The following LAMA5 variants were observed in gnomAD, a reference collection of about 807,000 sequenced individuals.
The protein encoded by LAMA5 is laminin subunit alpha-5.
A neutral mutation model predicts 433.4 loss-of-function variants in LAMA5; 260 were observed. That is an observed-to-expected ratio of 0.60 (90% CI 0.54 to 0.66). The LOEUF is 0.66. Among genes scored for constraint, LAMA5 ranks in the 30% least tolerant of loss-of-function variants. The probability of loss-of-function intolerance (pLI) is 0.00; values close to 1 mark genes in which losing one functional copy is unlikely to be tolerated. For missense variants in LAMA5, 5,378 were observed against 5,258.5 expected (o/e 1.02, Z -0.70); for synonymous variants, 2,620 against 2,226.6 (o/e 1.18, Z -4.97).
chr20:62,319,616 C>A, intron 51 of LAMA5, 68 bp downstream of exon 51: 1 of 1,165,440 alleles, frequency 8.6e-7, no homozygotes. Flanking sequence ...CTCGGCCAGG[C>A]ACCCCCACCC....
rs1986400488 is a variant in LAMA5 at position 62,312,472 on chromosome 20, G to A, written c.9288C>T (p.Ala3096=). 5 of 1,598,318 alleles carry A rather than the reference G, an allele frequency of 3.1e-6. No individual in the cohort carries two copies. The highest frequency in any genetic ancestry group is 4.2e-6 in the Non-Finnish European group (5 of 1,179,660). ...GCTTGAGGTCCACATACTTGCCCAG[G>A]GCCTTGATGCCTTTGACGCAGCCAC... ...SVRGCVKGIK[A]LGKYVDLKRL... Residue 3096 remains alanine (A), a synonymous_variant, in exon 68 of 80, where the codon GCC becomes GCT. Transcript: ENST00000252999.
At chr20:62,341,424 A>G (rs1221001124) in intron 11 of LAMA5, among the ~76,000 whole-genome samples, 1 of 152,242 alleles carries the variant, frequency 6.6e-6, no homozygotes, top group Non-Finnish European at 1.5e-5. Context: ...TCCAGGCTGG[A>G]TAACTCTTTG....
chr20:62,335,195 A>G, intron 19 of LAMA5, 22 bp downstream of exon 19: 1 of 1,612,476 alleles, frequency 6.2e-7, no homozygotes, highest in Non-Finnish European at 8.5e-7. Context: ...CAAATCCCCC[A>G]CACCTTGGTC....
chr20:62,330,838 C>A lies in LAMA5; in HGVS notation c.3757G>T (p.Asp1253Tyr). ...GCTGGGGACATGGCTGGAGTGAGATCCTGCGCGTGGGTCAGCGGGAGGCCG... is the reference window on the plus strand; with the variant it reads ...GCTGGGGACATGGCTGGAGTGAGATACTGCGCGTGGGTCAGCGGGAGGCCG... ...PPGLPLTHAQ[D>Y]LTPAMSPAGP... The change falls in exon 30 of 80, where the codon GAT becomes TAT. Residue 1253 changes from aspartate to tyrosine, a missense_variant. Asp to Tyr is a radical substitution (Grantham distance 160, BLOSUM62 -3). Coordinates refer to ENST00000252999, the MANE Select transcript of LAMA5 (RefSeq NM_005560.6). The A allele has an allele frequency of 6.5e-7, 1 of 1,543,384 alleles. No homozygotes were observed. Among genetic ancestry groups the A allele is most frequent in the Non-Finnish European group, 8.7e-7 (1 of 1,144,170 alleles).
chr20:62,366,622 C>T (rs993375747), intron 1 of LAMA5, among the ~76,000 whole-genome samples: 2 of 152,228 alleles, frequency 1.3e-5, no homozygotes, highest in African/African-American at 2.4e-5. Flanking sequence ...GGCCAAGTCC[C>T]GCCCTCCCCG....
At position 62,310,450 on chromosome 20, in the gene LAMA5, G is replaced by C. The variant is rs1007757232; in HGVS notation, c.10569C>G (p.Phe3523Leu). ...TGATAACTCCCCCGCTGCCTGGGAA[G>C]AACAGGCCCGCCTCCAGGGGGCCCA... ...CILGPLEAGL[F>L]FPGSGGVITL... is the part of the protein sequence containing the mutation. The change falls in exon 76 of 80, where the codon TTC becomes TTG. Residue 3523 changes from phenylalanine to leucine, a missense_variant. Coordinates refer to ENST00000252999, the MANE Select transcript of LAMA5 (RefSeq NM_005560.6). 7 of 1,602,996 alleles carry C rather than the reference G, an allele frequency of 4.4e-6. No homozygotes were observed. The African/African-American group carries it at 9.4e-5, about 21-fold the overall frequency.
chr20:62,349,402 C>T (rs1372788764), intron 6 of LAMA5, among the ~76,000 whole-genome samples: 1 of 151,326 alleles, frequency 6.6e-6, no homozygotes, highest in African/African-American at 2.4e-5. Flanking sequence ...GAAGATGACC[C>T]ACAGAGGATC....
Position 62,318,485 on chromosome 20 carries a change from C to G in LAMA5, c.7208G>C (p.Ser2403Thr). 5 of 1,605,860 alleles carry G rather than the reference C, an allele frequency of 3.1e-6. No homozygotes were observed. The highest frequency in any genetic ancestry group is 2.5e-6 in the Non-Finnish European group (3 of 1,177,824). The change falls in exon 53 of 80, where the codon AGC (serine) becomes ACC (threonine). Residue 2403 changes from serine (S) to threonine (T), a missense_variant. Physicochemically the swap from Ser to Thr is moderately conservative, Grantham distance 58. Coordinates refer to ENST00000252999, the MANE Select transcript of LAMA5 (RefSeq NM_005560.6). ...TTCCTCCAGGCGCTCCTGGTTGCGG[C>G]TGTTGAGCTCCTGGGCCTCCCGTGT... Reference protein sequence around the residue: ...DATREAQELNSRNQERLEEAL... With the variant: ...DATREAQELNTRNQERLEEAL...
At chr20:62,316,091 C>G in intron 57 of LAMA5, 33 bp from the exon 58 acceptor site, 1 of 1,485,370 alleles carries the variant, frequency 6.7e-7, no homozygotes, top group Non-Finnish European at 9.3e-7. Context: ...TCCCAGGCAG[C>G]TTCACCCCCA....
In LAMA5 at chr20:62,338,233, C is replaced by G; in HGVS notation, c.1755G>C (p.Gln585His). Residue 585 changes from glutamine (Q) to histidine (H), a missense_variant and splice_region_variant, in exon 13 of 80, where the codon CAG becomes CAC. By Grantham distance (24) the Gln-to-His change is conservative. Coordinates refer to ENST00000252999, the MANE Select transcript of LAMA5 (RefSeq NM_005560.6). The stretch of plus-strand genomic sequence containing the variant: ...CCCACGTGGAGAGGCACCACTCACA[C>G]TGGCAGAGAGGGAAGTGAAAGTAGC... ...APGYFHFPLCQLCGCSPAGTL... is the reference protein window; with the variant it reads ...APGYFHFPLCHLCGCSPAGTL... The G allele has an allele frequency of 6.3e-7, 1 of 1,593,096 alleles. No individual in the cohort carries two copies. The highest frequency in any genetic ancestry group is 1.7e-4 in the Middle Eastern group (1 of 5,968).
In LAMA5 at chr20:62,323,492, A is replaced by G. The variant is rs531391087; in HGVS notation, c.6028T>C (p.Phe2010Leu). 101 of 1,554,336 alleles carry G rather than the reference A, an allele frequency of 6.5e-5. No homozygotes were observed. In the South Asian group the frequency reaches 1.1e-3, roughly 18 times the overall value. Residue 2010 changes from phenylalanine to leucine, a missense_variant, in exon 45 of 80, where the codon TTC becomes CTC. By Grantham distance (22) the Phe-to-Leu change is conservative. Transcript: ENST00000252999. Reference protein sequence around the residue: ...GPRCEICAPGFYGNALLPGNC... With the variant: ...GPRCEICAPGLYGNALLPGNC... Reference sequence around the variant, plus strand: ...CCGGGCAGCAGGGCGTTGCCGTAGAAGCCGGGGGCACAGATCTCGCAGCGG... The same window carrying G: ...CCGGGCAGCAGGGCGTTGCCGTAGAGGCCGGGGGCACAGATCTCGCAGCGG...
rs752002885 is a variant in LAMA5 at position 62,335,319 on chromosome 20, G to A, written c.2324-50C>T. On this transcript the variant is annotated intron_variant, in intron 18 of 79. Coordinates refer to ENST00000252999, the MANE Select transcript of LAMA5 (RefSeq NM_005560.6). ...GATGCTTGGTGGGGCAGGAGAGCCT[G>A]GCTCCAGCCCCCCGAGGAACCCCCA... 11 of 1,593,762 alleles carry A rather than the reference G, an allele frequency of 6.9e-6. No homozygotes were observed. The Admixed American group carries it at 1.0e-4, about 15-fold the overall frequency.
rs778822828 is a variant in LAMA5 at position 62,320,832 on chromosome 20, G to C, written c.6555C>G (p.Leu2185=). The C allele has an allele frequency of 6.2e-7, 1 of 1,612,626 alleles. No individual in the cohort carries two copies. Reference sequence around the variant, plus strand: ...CACGCAGTTGCTCGTGAATGGCGGGGAGGAGGGCGCCGGCCCGTTCCAGGT... The same window carrying C: ...CACGCAGTTGCTCGTGAATGGCGGGCAGGAGGGCGCCGGCCCGTTCCAGGT... The part of the protein sequence containing the change: ...LDDLERAGAL[L]PAIHEQLRGI... The change falls in exon 49 of 80, where the codon CTC becomes CTG. Residue 2185 remains leucine (L), a synonymous_variant. Transcript: ENST00000252999.
rs535840805 is a variant in LAMA5 at position 62,327,661 on chromosome 20, C to T, written c.4806G>A (p.Val1602=). ...TGCACTGGTCACATTTGGGGCCCTG[C>T]ACGTTCTCCTAGGGATGAGAGGACA... is the stretch of plus-strand genomic sequence containing the variant. The part of the protein sequence containing the change: ...LTGQCYCKEN[V]QGPKCDQCSL... The change falls in exon 37 of 80, where the codon GTG becomes GTA. Residue 1602 remains valine, a synonymous_variant. Coordinates refer to ENST00000252999, the MANE Select transcript of LAMA5 (RefSeq NM_005560.6). 6 of 1,612,982 alleles carry T rather than the reference C, an allele frequency of 3.7e-6. No individual in the cohort carries two copies. Among genetic ancestry groups the T allele is most frequent in the Non-Finnish European group, 5.1e-6 (6 of 1,179,894 alleles).
chr20:62,346,233 C>T lies in LAMA5; in HGVS notation c.1283-18G>A, dbSNP rs375369689. On this transcript the variant is annotated intron_variant, in intron 9 of 79. Transcript: ENST00000252999. ...GTTGCAGCCTGGGCAGGGGCAGGAG[C>T]CGGGTAAGCCTGGAGCTACCAGGAC... is the stretch of plus-strand genomic sequence containing the variant. 6.2e-7 allele frequency: 1 copy of T among 1,606,160 alleles called. No homozygotes were observed. Among genetic ancestry groups the T allele is most frequent in the Non-Finnish European group, 8.5e-7 (1 of 1,176,980 alleles).
chr20:62,334,770 C>CGAGGGCGAGGGCGAGGGT (rs1568945990), intron 20 of LAMA5, 149 bp from the exon 21 acceptor site: 124 of 632,568 alleles, frequency 2.0e-4, no homozygotes, highest in Non-Finnish European at 2.9e-4. Flanking sequence ...AGGGCGAGGG[C>CGAGGGCGAGGGCGAGGGT]GAGGGTGAGG....
At chr20:62,311,894 G>A (rs369535096) in intron 70 of LAMA5, 26 bp downstream of exon 70, 25 of 1,540,740 alleles carry the variant, frequency 1.6e-5, no homozygotes, top group South Asian at 3.4e-5. Flanking sequence ...AGACCTTCAC[G>A]ATGAGGGCCC....
intron 16 of LAMA5, among the ~76,000 whole-genome samples, chr20:62,337,201 C>T (rs746874691): frequency 6.7e-6 from 1 of 148,624 alleles, no homozygotes. Flanking sequence ...GCGATACGCG[C>T]ACCCACTTAT....
At position 62,314,684 on chromosome 20, in the gene LAMA5, C is replaced by G; in HGVS notation, c.8238G>C (p.Gln2746His). Residue 2746 changes from glutamine (Q) to histidine (H), a missense_variant, in exon 61 of 80, where the codon CAG becomes CAC. Physicochemically the swap from Gln to His is conservative, Grantham distance 24 (BLOSUM62 0). Coordinates refer to ENST00000252999, the MANE Select transcript of LAMA5 (RefSeq NM_005560.6). Reference protein sequence around the residue: ...PMKFNGRSGVQLRTPRDLADL... With the variant: ...PMKFNGRSGVHLRTPRDLADL... ...CGGCAAGATCCCGTGGGGTGCGCAG[C>G]TGCACCCCTGAGCGCCCGTTGAACT... 1 of 1,612,636 alleles carries G rather than the reference C, an allele frequency of 6.2e-7. No homozygotes were observed. The highest frequency in any genetic ancestry group is 8.5e-7 in the Non-Finnish European group (1 of 1,179,862).
Sources: allele counts gnomAD v4.1 joint callset (sites outside exome capture counted in the v4.1 genomes callset), GRCh38; gene constraint gnomAD v4.1.1; transcripts MANE v1.5; gene names NCBI Gene and HGNC (gene_info 2026-07-23, HGNC 2026-07-21).